The following COP1 variants were observed in gnomAD, a reference collection of about 807,000 sequenced individuals.
COP1 encodes the protein E3 ubiquitin-protein ligase COP1.
In COP1, 24 loss-of-function variants were observed where a neutral mutation model predicts 101.3. That is an observed-to-expected ratio of 0.24 (90% CI 0.17 to 0.33). The LOEUF is 0.33. Ranked by LOEUF, COP1 falls within the 10% of genes least tolerant of loss-of-function variation. The pLI, the probability that COP1 is intolerant of heterozygous loss-of-function variation, is 1.00. For synonymous variants in COP1, 347 were observed against 341.9 expected (o/e 1.01, Z -0.17); for missense variants, 663 against 906.2 (o/e 0.73, Z 3.45).
At chr1:176,025,139 A>C (rs1211687151) in intron 15 of COP1, among the ~76,000 whole-genome samples, 1 of 152,210 alleles carries the variant, frequency 6.6e-6, no homozygotes, top group African/African-American at 2.4e-5. Flanking sequence ...CTTCTAATTA[A>C]GAAACAGTAA....
At chr1:176,121,331 A>G (rs574068065) in intron 8 of COP1, among the ~76,000 whole-genome samples, 89 of 152,286 alleles carry the variant, frequency 5.8e-4, no homozygotes, top group Middle Eastern at 6.8e-3. Flanking sequence ...CAGAGATATT[A>G]GAAATCATTC....
intron 11 of COP1, among the ~76,000 whole-genome samples, chr1:176,062,496 G>A (rs1015633549): frequency 1.3e-5 from 2 of 152,130 alleles, no homozygotes; most frequent in African/African-American, 4.8e-5. Flanking sequence ...GCTAAGAATT[G>A]CTGAGGATTT....
At chr1:176,092,195 T>C (rs1681456801) in intron 9 of COP1, among the ~76,000 whole-genome samples, 1 of 152,048 alleles carries the variant, frequency 6.6e-6, no homozygotes, top group Non-Finnish European at 1.5e-5. Context: ...TGGCCAAATA[T>C]AAAATTTGAT....
intron 15 of COP1, among the ~76,000 whole-genome samples, chr1:176,021,391 A>G (rs1666733997): frequency 6.6e-6 from 1 of 152,214 alleles, no homozygotes; most frequent in Non-Finnish European, 1.5e-5. Context: ...AGCAGGTGCC[A>G]AATTATCTAA....
At chr1:176,001,948 G>T (rs1307684163) in intron 15 of COP1, among the ~76,000 whole-genome samples, 1 of 152,092 alleles carries the variant, frequency 6.6e-6, no homozygotes, top group African/African-American at 2.4e-5. Flanking sequence ...CTGACGAGAA[G>T]TCATCAGAAA....
At chr1:176,092,354 A>G (rs1010488080) in intron 9 of COP1, among the ~76,000 whole-genome samples, 1 of 152,210 alleles carries the variant, frequency 6.6e-6, no homozygotes, top group African/African-American at 2.4e-5. Context: ...CTTAAATGAA[A>G]CACAAGAAGT....
intron 15 of COP1, among the ~76,000 whole-genome samples, chr1:176,007,165 T>C (rs895272583): frequency 3.1e-4 from 47 of 152,250 alleles, no homozygotes; most frequent in African/African-American, 1.0e-3. Context: ...ATTCTTCACG[T>C]AGTTCTCGAG....
intron 15 of COP1, among the ~76,000 whole-genome samples, chr1:175,997,143 T>C (rs1660369686): frequency 6.6e-6 from 1 of 151,434 alleles, no homozygotes; most frequent in East Asian, 1.9e-4. Context: ...AAACAAGCAA[T>C]GGGGAAAGGA....
At chr1:176,059,618 G>T (rs1674493424) in intron 11 of COP1, among the ~76,000 whole-genome samples, 1 of 152,040 alleles carries the variant, frequency 6.6e-6, no homozygotes, top group Non-Finnish European at 1.5e-5. Flanking sequence ...GAGTAGCTGA[G>T]ATTATAGGTG....
intron 3 of COP1, among the ~76,000 whole-genome samples, chr1:176,175,039 A>T (rs1286581220): frequency 6.6e-6 from 1 of 151,362 alleles, no homozygotes; most frequent in Non-Finnish European, 1.5e-5. Context: ...AGTTCTTACC[A>T]CTCCTCTCTC....
intron 3 of COP1, among the ~76,000 whole-genome samples, chr1:176,169,827 T>C (rs1267321052): frequency 1.3e-5 from 2 of 152,234 alleles, no homozygotes; most frequent in East Asian, 1.9e-4. Flanking sequence ...AAAATTTCTC[T>C]ATAGCCTGCA....
At chr1:176,182,558 T>C (rs896966343) in intron 2 of COP1, among the ~76,000 whole-genome samples, 2 of 152,194 alleles carry the variant, frequency 1.3e-5, no homozygotes, top group African/African-American at 4.8e-5. Flanking sequence ...GACAAAGAAT[T>C]ATCTGGTCTA....
chr1:176,034,402 T>C (rs1262978405), intron 14 of COP1, among the ~76,000 whole-genome samples: 1 of 152,290 alleles, frequency 6.6e-6, no homozygotes, highest in Admixed American at 6.5e-5. Flanking sequence ...AGAGTAAAAC[T>C]CTGTGTATAT....
At chr1:176,103,716 A>G (rs1683830463) in intron 9 of COP1, among the ~76,000 whole-genome samples, 1 of 152,214 alleles carries the variant, frequency 6.6e-6, no homozygotes, top group East Asian at 1.9e-4. Flanking sequence ...ATAATTATTA[A>G]TATCTCAAAA....
chr1:176,093,805 T>A (rs1435843449), intron 9 of COP1, among the ~76,000 whole-genome samples: 1 of 151,296 alleles, frequency 6.6e-6, no homozygotes, highest in Non-Finnish European at 1.5e-5. Context: ...AAGCCACTAC[T>A]CCAGCCTAGG....
At chr1:176,017,082 A>G (rs1221710585) in intron 15 of COP1, among the ~76,000 whole-genome samples, 1 of 152,226 alleles carries the variant, frequency 6.6e-6, no homozygotes, top group Non-Finnish European at 1.5e-5. Flanking sequence ...GCAATCATCA[A>G]TACGTTAAAA....
Position 176,207,079 on chromosome 1 carries a change from G to A in COP1, c.-101C>T. 3 of 975,758 alleles carry A rather than the reference G, an allele frequency of 3.1e-6. No homozygotes were observed. The highest frequency in any genetic ancestry group is 4.1e-6 in the Non-Finnish European group (3 of 731,268). 60.4% of individuals were successfully genotyped at this position (975,758 alleles called of 1,614,324 possible). ...CTCAGCCTCAGTGCATCCTGAGGACGCCCGCCGAGCCGGAGGTGGGGCTGA... is the reference window on the plus strand; with the variant it reads ...CTCAGCCTCAGTGCATCCTGAGGACACCCGCCGAGCCGGAGGTGGGGCTGA... On this transcript the variant is annotated 5_prime_UTR_variant, in exon 1 of 20. Transcript: ENST00000367669.
chr1:175,945,924 T>A (rs1314605263), intron 19 of COP1, among the ~76,000 whole-genome samples: 1 of 152,208 alleles, frequency 6.6e-6, no homozygotes, highest in African/African-American at 2.4e-5. Context: ...CTAGGCTACT[T>A]AACATAAGAA....
chr1:176,184,765 A>G (rs1698241698), intron 1 of COP1, 73 bp from the exon 2 acceptor site: 4 of 988,660 alleles, frequency 4.0e-6, no homozygotes, highest in South Asian at 2.8e-5. Flanking sequence ...GACTAGTAAC[A>G]ATACCAATGA....
Sources: gnomAD v4.1 joint callset for allele counts (sites outside exome capture counted in the v4.1 genomes callset) on GRCh38, gnomAD v4.1.1 for gene constraint, MANE v1.5 for transcripts, NCBI Gene and HGNC (gene_info 2026-07-23, HGNC 2026-07-21) for gene names.